NOTCH2: variants seen among roughly 807,000 people sequenced by gnomAD.
The protein encoded by NOTCH2 is notch receptor 2, also known as neurogenic locus notch homolog protein 2.
Under a neutral mutation model 235.8 loss-of-function variants are expected in NOTCH2, and 29 were observed. The ratio of observed to expected loss-of-function variants is 0.12; its 90% CI spans 0.09 to 0.17. The LOEUF (loss-of-function observed/expected upper bound fraction) is 0.17, where lower values mean the gene tolerates loss of function less well. NOTCH2 is among the 10% of genes least tolerant of loss of function. The probability of loss-of-function intolerance (pLI) is 1.00; values close to 1 mark genes in which losing one functional copy is unlikely to be tolerated. For missense variants in NOTCH2, 2,285 were observed against 3,150.2 expected (o/e 0.73, Z 6.57); for synonymous variants, 1,086 against 1,141.5 (o/e 0.95, Z 0.98).
intron 29 of NOTCH2, 66 bp from the exon 30 acceptor site, chr1:119,920,463 T>TC: frequency 6.5e-7 from 1 of 1,536,928 alleles, no homozygotes; most frequent in Non-Finnish European, 9.0e-7. Flanking sequence ...TCAGAAGGTG[T>TC]CCAGAGCCTC....
At chr1:120,028,047 G>A (rs367878603) in intron 2 of NOTCH2, among the ~76,000 whole-genome samples, 1,108 of 111,102 alleles carry the variant, frequency 1.0e-2, no homozygotes, top group African/African-American at 0.043. Flanking sequence ...TTGAGGAATC[G>A]CCACACTGAA....
chr1:120,057,757 AT>A (rs1553215483), intron 1 of NOTCH2, among the ~76,000 whole-genome samples: 1 of 49,934 alleles, frequency 2.0e-5, no homozygotes, highest in East Asian at 3.3e-4. Flanking sequence ...ATTTTTACTT[AT>A]ACATATCATA....
At chr1:119,969,392 G>A (rs782313218) in intron 6 of NOTCH2, 119 bp downstream of exon 6, 10 of 861,484 alleles carry the variant, frequency 1.2e-5, no homozygotes, top group Admixed American at 2.0e-5. Flanking sequence ...ACAGTCCTGA[G>A]TGATATGTTC....
intron 5 of NOTCH2, among the ~76,000 whole-genome samples, chr1:119,972,428 T>G (rs1471733492): frequency 6.6e-6 from 1 of 152,222 alleles, no homozygotes; most frequent in Non-Finnish European, 1.5e-5. Flanking sequence ...AAATATCCAC[T>G]GCCCACCAAC....
chr1:119,950,607 A>T, intron 15 of NOTCH2, 117 bp downstream of exon 15: 1 of 762,506 alleles, frequency 1.3e-6, no homozygotes, highest in Non-Finnish European at 2.4e-6. Context: ...AGGACAACTG[A>T]GGAGTGAGCC....
chr1:119,949,048 T>C lies in NOTCH2; in HGVS notation c.2558A>G (p.Asn853Ser), dbSNP rs782254411. The C allele has an allele frequency of 8.1e-6, 13 of 1,614,152 alleles. No homozygotes were observed. In the South Asian group the frequency reaches 1.4e-4, roughly 18 times the overall value. Reference protein sequence around the residue: ...ENAAVCKESPNFESYTCLCAP... With the variant: ...ENAAVCKESPSFESYTCLCAP... The stretch of plus-strand genomic sequence containing the variant: ...ACACAAGCAAGTATAACTCTCAAAA[T>C]TTGGTGACTCTTTGCAAACAGCAGC... Residue 853 changes from asparagine (N) to serine (S), a missense_variant, in exon 16 of 34, where the codon AAT (asparagine) becomes AGT (serine). This residue lies in a region of NOTCH2 where 1,173 missense variants were observed against 1,515.3 expected (regional missense o/e 0.77). Transcript: ENST00000256646.
intron 1 of NOTCH2, among the ~76,000 whole-genome samples, chr1:120,038,849 T>C (rs1274210401): frequency 6.6e-6 from 1 of 151,736 alleles, no homozygotes; most frequent in Non-Finnish European, 1.5e-5. Context: ...TGAAAGTTCC[T>C]TTCTTACCAT....
At chr1:119,960,005 C>T (rs1650874093) in intron 11 of NOTCH2, among the ~76,000 whole-genome samples, 1 of 152,118 alleles carries the variant, frequency 6.6e-6, no homozygotes, top group African/African-American at 2.4e-5. Flanking sequence ...CTGTGGCATG[C>T]CAAGTATGAG....
At chr1:120,063,156 C>T (rs1230671540) in intron 1 of NOTCH2, among the ~76,000 whole-genome samples, 1 of 151,652 alleles carries the variant, frequency 6.6e-6, no homozygotes. Flanking sequence ...ATCCTGTGCC[C>T]CTTCTTGCAG....
At position 119,941,690 on chromosome 1, in the gene NOTCH2, C is replaced by T. The variant is rs147583376; in HGVS notation, c.2817G>A (p.Pro939=). 2 of 1,614,140 alleles carry T rather than the reference C, an allele frequency of 1.2e-6. No homozygotes were observed. The highest frequency in any genetic ancestry group is 2.2e-5 in the East Asian group (1 of 44,892). Residue 939 remains proline (P), a synonymous_variant, in exon 18 of 34, where the codon CCG becomes CCA. Transcript: ENST00000256646. ...TCTGGCACTTATCCCCAGTGAAACC[C>T]GGAAGGCAGAGGCAGGAGAAAGTAT... ...GVNTFSCLCL[P]GFTGDKCQTD...
chr1:119,977,066 T>A (rs1651611965), intron 5 of NOTCH2, among the ~76,000 whole-genome samples: 1 of 152,110 alleles, frequency 6.6e-6, no homozygotes, highest in African/African-American at 2.4e-5. Flanking sequence ...CACTAGACTG[T>A]CAGTGCCATG....
chr1:119,946,666 G>C (rs1650265515), intron 17 of NOTCH2, among the ~76,000 whole-genome samples: 1 of 151,866 alleles, frequency 6.6e-6, no homozygotes, highest in Non-Finnish European at 1.5e-5. Flanking sequence ...GAAGTACAAG[G>C]TCTCTCAATT....
chr1:120,006,955 G>A (rs1256983844), intron 2 of NOTCH2, among the ~76,000 whole-genome samples: 44 of 152,222 alleles, frequency 2.9e-4, no homozygotes, highest in African/African-American at 1.0e-3. Flanking sequence ...AACTAAGACA[G>A]AAAATGCCCA....
At chr1:119,919,823 AAG>A (rs1649209779) in intron 30 of NOTCH2, among the ~76,000 whole-genome samples, 1 of 152,198 alleles carries the variant, frequency 6.6e-6, no homozygotes, top group Admixed American at 6.5e-5. Context: ...AAGTCTTTTT[AAG>A]CTGGGGGCTC....
rs778161065 is a variant in NOTCH2, at chr1:119,925,710, G to A, written c.4106C>T (p.Pro1369Leu). The A allele has an allele frequency of 6.2e-7, 1 of 1,613,148 alleles. No individual in the cohort carries two copies. Among genetic ancestry groups the A allele is most frequent in the Non-Finnish European group, 8.5e-7 (1 of 1,179,252 alleles). Residue 1369 changes from proline to leucine, a missense_variant, in exon 25 of 34, where the codon CCC becomes CTC. Pro to Leu is a moderately conservative substitution (Grantham distance 98, BLOSUM62 -3). Around this residue, in one of 6 missense-constraint regions of NOTCH2, gnomAD observed 1,173 missense variants for 1,515.3 expected, o/e 0.77. Transcript: ENST00000256646. ...GCCTGACTCGCAGTCCCGGGGACTG[G>A]GGCAGAAGCAGCGGGGTCCAGAGGC... Reference protein sequence around the residue: ...HTASGPRCFCPSPRDCESGCA... With the variant: ...HTASGPRCFCLSPRDCESGCA...
Position 119,922,993 on chromosome 1 carries a change from C to T in NOTCH2, c.4860-215G>A, listed in dbSNP as rs587725012. ...ACACTAATTCCCACATAGAGGATGT[C>T]CCACCTTCCTTAGTCTGGCTGACCA... On this transcript the variant is annotated intron_variant, in intron 26 of 33. Coordinates refer to ENST00000256646, the MANE Select transcript of NOTCH2 (RefSeq NM_024408.4). Among the ~76,000 whole-genome samples, 17 of 152,294 alleles carry T rather than the reference C, an allele frequency of 1.1e-4. No homozygotes were observed. The South Asian group carries it at 1.9e-3, about 17-fold the overall frequency.
At chr1:119,941,790 T>G in intron 17 of NOTCH2, 36 bp from the exon 18 acceptor site, 1 of 1,447,090 alleles carries the variant, frequency 6.9e-7, no homozygotes, top group Non-Finnish European at 9.7e-7. Flanking sequence ...CTCTGAAGAG[T>G]AGCATCAGTT....
chr1:119,922,005 C>T (rs1164912192), intron 28 of NOTCH2, among the ~76,000 whole-genome samples, 196 bp from the exon 29 acceptor site: 3 of 152,098 alleles, frequency 2.0e-5, no homozygotes, highest in African/African-American at 4.8e-5. Flanking sequence ...CGTGAGCTTA[C>T]AACAAAAGGG....
intron 29 of NOTCH2, 34 bp from the exon 30 acceptor site, chr1:119,920,431 G>C (rs1465044793): frequency 5.0e-6 from 8 of 1,612,836 alleles, no homozygotes; most frequent in Non-Finnish European, 6.8e-6. Context: ...CTATCAATCT[G>C]GCCACCACCA....
Sources: allele counts gnomAD v4.1 joint callset (sites outside exome capture counted in the v4.1 genomes callset), GRCh38; gene constraint gnomAD v4.1.1; regional missense constraint gnomAD v4.1.1; transcripts MANE v1.5; gene names NCBI Gene and HGNC (gene_info 2026-07-23, HGNC 2026-07-21).